The following ROBO1 variants were observed in gnomAD, a reference collection of about 807,000 sequenced individuals.
The protein encoded by ROBO1 is roundabout guidance receptor 1.
In ROBO1, 149 loss-of-function variants were observed where a neutral mutation model predicts 195.9. The ratio of observed to expected loss-of-function variants is 0.76; its 90% CI spans 0.67 to 0.87. The LOEUF (loss-of-function observed/expected upper bound fraction) is 0.87. ROBO1 is among the 40% of genes least tolerant of loss of function. ROBO1 has a pLI of 0.00. For synonymous variants in ROBO1, 816 were observed against 733.2 expected (o/e 1.11, Z -1.82); for missense variants, 1,933 against 2,068.3 (o/e 0.93, Z 1.27).
intron 29 of ROBO1, among the ~76,000 whole-genome samples, chr3:78,604,433 C>T (rs1166605252): frequency 1.3e-5 from 2 of 152,172 alleles, no homozygotes; most frequent in South Asian, 2.1e-4. Flanking sequence ...ATATAAACCT[C>T]GCAATTTACA....
At chr3:79,098,500 T>G (rs1305133032) in intron 3 of ROBO1, among the ~76,000 whole-genome samples, 1 of 151,790 alleles carries the variant, frequency 6.6e-6, no homozygotes, top group Non-Finnish European at 1.5e-5. Flanking sequence ...TCAGTGTAGA[T>G]TATTTACCCT....
chr3:79,632,926 A>G (rs1252933455), intron 1 of ROBO1, among the ~76,000 whole-genome samples: 1 of 152,158 alleles, frequency 6.6e-6, no homozygotes, highest in Non-Finnish European at 1.5e-5. Flanking sequence ...CAGTGCAGTA[A>G]TAAGAAATGA....
chr3:78,824,565 T>C (rs1196603482), intron 4 of ROBO1, among the ~76,000 whole-genome samples: 4 of 152,180 alleles, frequency 2.6e-5, no homozygotes, highest in African/African-American at 9.6e-5. Flanking sequence ...CAGGATGTAA[T>C]AGAAGTCATG....
chr3:79,232,490 T>C (rs1375752870), intron 2 of ROBO1, among the ~76,000 whole-genome samples: 2 of 151,008 alleles, frequency 1.3e-5, no homozygotes, highest in African/African-American at 4.8e-5. Flanking sequence ...TCAAATTTTC[T>C]AGAGCCAATG....
intron 3 of ROBO1, among the ~76,000 whole-genome samples, chr3:79,017,450 A>AGTGTGTGTGTGTGTGT (rs60522056): frequency 2.2e-4 from 29 of 133,508 alleles, no homozygotes; most frequent in South Asian, 1.0e-3. Context: ...TCCGAGGTGC[A>AGTGTGTGTGTGTGTGT]GTGTGTGTGT....
chr3:79,660,693 C>T (rs7428022), intron 1 of ROBO1, among the ~76,000 whole-genome samples: 88,081 of 151,828 alleles, frequency 0.58, 25,846 homozygotes, highest in South Asian at 0.67. Context: ...TACTATAACA[C>T]GTAAGATCAG....
At chr3:78,842,585 A>G (rs375238482) in intron 4 of ROBO1, among the ~76,000 whole-genome samples, 1 of 54,450 alleles carries the variant, frequency 1.8e-5, no homozygotes, top group Non-Finnish European at 3.7e-5. Flanking sequence ...ATATATTTAT[A>G]TATGAGCCAT....
intron 3 of ROBO1, among the ~76,000 whole-genome samples, chr3:79,069,514 T>C (rs2079053696): frequency 6.6e-6 from 1 of 151,966 alleles, no homozygotes; most frequent in Non-Finnish European, 1.5e-5. Context: ...TGCTACTATT[T>C]ACAATGACAT....
At position 78,749,844 on chromosome 3, in the gene ROBO1, C is replaced by T. The variant is rs189115828; in HGVS notation, c.500-2944G>A. Among the ~76,000 whole-genome samples, 547 of 152,192 alleles carry T rather than the reference C, an allele frequency of 3.6e-3. 6 individuals carry two copies. The highest frequency in any genetic ancestry group is 0.013 in the African/African-American group (521 of 41,558). On this transcript the variant is annotated intron_variant, in intron 4 of 30. Coordinates refer to ENST00000464233, the MANE Select transcript of ROBO1 (RefSeq NM_002941.4). Reference sequence around the variant, plus strand: ...ATTTCTATTAACCAAAGTATATATACTTTTAATGTTTCTTGATTTGAATCG... The same window carrying T: ...ATTTCTATTAACCAAAGTATATATATTTTTAATGTTTCTTGATTTGAATCG...
chr3:79,203,262 G>A (rs1049988431), intron 2 of ROBO1, among the ~76,000 whole-genome samples: 1 of 152,260 alleles, frequency 6.6e-6, no homozygotes, highest in Middle Eastern at 3.4e-3. Flanking sequence ...AATATCAGTG[G>A]TTCTATATCA....
intron 2 of ROBO1, among the ~76,000 whole-genome samples, chr3:79,193,082 A>G (rs2081570440): frequency 6.6e-6 from 1 of 151,718 alleles, no homozygotes; most frequent in Non-Finnish European, 1.5e-5. Context: ...TGACATTTAC[A>G]GAAATAGGAA....
intron 4 of ROBO1, among the ~76,000 whole-genome samples, chr3:78,876,688 C>T (rs2035868120): frequency 6.6e-6 from 1 of 152,202 alleles, no homozygotes; most frequent in Non-Finnish European, 1.5e-5. Context: ...CCGATGACAA[C>T]CACTCAACGT....
intron 4 of ROBO1, among the ~76,000 whole-genome samples, chr3:78,921,037 A>G (rs1045934023): frequency 8.5e-5 from 13 of 152,158 alleles, no homozygotes; most frequent in African/African-American, 2.7e-4. Context: ...AAGTAAGAAT[A>G]TTAGTAATAC....
intron 2 of ROBO1, among the ~76,000 whole-genome samples, chr3:79,500,496 T>C (rs930211233): frequency 6.6e-6 from 1 of 152,190 alleles, no homozygotes; most frequent in Non-Finnish European, 1.5e-5. Context: ...GTCTTTCTTG[T>C]TTTCCTCTTT....
chr3:79,278,723 A>C (rs1293715829), intron 2 of ROBO1, among the ~76,000 whole-genome samples: 1 of 152,184 alleles, frequency 6.6e-6, no homozygotes. Flanking sequence ...GTAAGGGCTA[A>C]AACAACAAAA....
intron 5 of ROBO1, among the ~76,000 whole-genome samples, chr3:78,732,824 C>A (rs1258485487): frequency 3.3e-5 from 5 of 152,100 alleles, no homozygotes; most frequent in Admixed American, 1.3e-4. Flanking sequence ...TGTTCCCATA[C>A]AATATGATGC....
At chr3:79,446,077 CG>C (rs1159998254) in intron 2 of ROBO1, among the ~76,000 whole-genome samples, 2 of 152,168 alleles carry the variant, frequency 1.3e-5, no homozygotes, top group African/African-American at 4.8e-5. Context: ...GGATTACAGA[CG>C]TGAGTCACTG....
At chr3:78,931,063 G>C (rs1360132772) in intron 4 of ROBO1, among the ~76,000 whole-genome samples, 1 of 151,838 alleles carries the variant, frequency 6.6e-6, no homozygotes, top group Non-Finnish European at 1.5e-5. Flanking sequence ...TTTCCATGAA[G>C]ACAAGAATCA....
intron 2 of ROBO1, among the ~76,000 whole-genome samples, chr3:79,146,476 A>T (rs528690415): frequency 6.6e-6 from 1 of 152,108 alleles, no homozygotes; most frequent in Admixed American, 6.6e-5. Context: ...ACAGATATAG[A>T]TCATAGAATA....
Sources: allele counts gnomAD v4.1 joint callset (sites outside exome capture counted in the v4.1 genomes callset), GRCh38; gene constraint gnomAD v4.1.1; transcripts MANE v1.5; gene names NCBI Gene and HGNC (gene_info 2026-07-23, HGNC 2026-07-21).